CACNA2D3: variants seen among roughly 807,000 people sequenced by gnomAD.
The protein encoded by CACNA2D3 is calcium voltage-gated channel auxiliary subunit alpha2delta 3.
CACNA2D3 carries 60 observed loss-of-function variants against 160.6 expected under a neutral mutation model. That is an observed-to-expected ratio of 0.37 (90% CI 0.30 to 0.46). The LOEUF is 0.46. Among genes scored for constraint, CACNA2D3 ranks in the 20% least tolerant of loss-of-function variants. The pLI is 1.00. For missense variants in CACNA2D3, 1,205 were observed against 1,365.0 expected (o/e 0.88, Z 1.85); for synonymous variants, 558 against 492.9 (o/e 1.13, Z -1.75).
rs76567934 is a variant in CACNA2D3 at position 54,878,770 on chromosome 3, G to A, written c.1711-248G>A. The A allele has an allele frequency of 8.1e-3, 2,674 of 328,860 alleles. 59 individuals are homozygous for A. The highest frequency in any genetic ancestry group is 0.049 in the African/African-American group (2,276 of 46,804). 20.4% of individuals were successfully genotyped at this position (328,860 alleles called of 1,614,324 possible). A position where few individuals can be genotyped will look rare whatever the true frequency, so the allele number is the denominator to read the frequency against. On this transcript the variant is annotated intron_variant, in intron 18 of 37. Coordinates refer to ENST00000474759, the MANE Select transcript of CACNA2D3 (RefSeq NM_018398.3). Reference sequence around the variant, plus strand: ...CTGACCCCCGGGATTCATCAGTATCGCCAAGGCTCTTTTGTTATTGTCCTG... The same window carrying A: ...CTGACCCCCGGGATTCATCAGTATCACCAAGGCTCTTTTGTTATTGTCCTG...
intron 11 of CACNA2D3, among the ~76,000 whole-genome samples, chr3:54,732,087 C>T (rs1241499040): frequency 6.6e-6 from 1 of 152,196 alleles, no homozygotes; most frequent in Non-Finnish European, 1.5e-5. Flanking sequence ...TTTTCTCTTA[C>T]AGGGAGAGGA....
At chr3:54,925,506 G>A (rs916862780) in intron 27 of CACNA2D3, among the ~76,000 whole-genome samples, 2 of 152,168 alleles carry the variant, frequency 1.3e-5, no homozygotes, top group African/African-American at 4.8e-5. Flanking sequence ...ATATCAAATA[G>A]AAGGGTGAAA....
chr3:54,431,857 C>T (rs1007848143), intron 4 of CACNA2D3, among the ~76,000 whole-genome samples: 1 of 152,182 alleles, frequency 6.6e-6, no homozygotes, highest in Non-Finnish European at 1.5e-5. Flanking sequence ...AACCACCTGC[C>T]TCAGCCTCCC....
intron 8 of CACNA2D3, among the ~76,000 whole-genome samples, chr3:54,579,998 T>G (rs1702647916): frequency 6.6e-6 from 1 of 151,998 alleles, no homozygotes. Flanking sequence ...TCTGGAGGTT[T>G]GGGGGCCAGA....
At chr3:54,972,388 C>T (rs1412901634) in intron 29 of CACNA2D3, among the ~76,000 whole-genome samples, 1 of 152,138 alleles carries the variant, frequency 6.6e-6, no homozygotes, top group Non-Finnish European at 1.5e-5. Context: ...TCAGTCCTGC[C>T]TTCTCACCAA....
intron 29 of CACNA2D3, among the ~76,000 whole-genome samples, chr3:54,972,541 C>G (rs1702298413): frequency 1.3e-5 from 2 of 149,674 alleles, no homozygotes; most frequent in East Asian, 4.0e-4. Flanking sequence ...TGTGGGGGCT[C>G]ATTAAGTTCA....
At chr3:54,960,275 C>G (rs1350532234) in intron 27 of CACNA2D3, among the ~76,000 whole-genome samples, 1 of 152,012 alleles carries the variant, frequency 6.6e-6, no homozygotes, top group Admixed American at 6.5e-5. Context: ...TCTCCTCCCT[C>G]TCTCTCACCA....
chr3:55,056,680 A>G (rs1437826124), intron 35 of CACNA2D3, among the ~76,000 whole-genome samples: 1 of 152,184 alleles, frequency 6.6e-6, no homozygotes, highest in Non-Finnish European at 1.5e-5. Context: ...GGAGATCATT[A>G]TTCTATATGA....
At chr3:54,460,338 G>T (rs1448218016) in intron 4 of CACNA2D3, among the ~76,000 whole-genome samples, 5 of 152,134 alleles carry the variant, frequency 3.3e-5, no homozygotes, top group African/African-American at 9.7e-5. Context: ...TGAAGGGGAT[G>T]GCATTGAATC....
At chr3:54,425,306 G>A (rs1382183021) in intron 4 of CACNA2D3, among the ~76,000 whole-genome samples, 3 of 152,142 alleles carry the variant, frequency 2.0e-5, no homozygotes, top group East Asian at 1.9e-4. Flanking sequence ...ACTCCAGCCC[G>A]GGTGACAAGA....
Position 54,411,658 on chromosome 3 carries a change from A to G in CACNA2D3, c.381+24884A>G, listed in dbSNP as rs955121253. Among the ~76,000 whole-genome samples, 3 of 152,226 alleles carry G rather than the reference A, an allele frequency of 2.0e-5. No individual in the cohort carries two copies. In the East Asian group the frequency reaches 5.8e-4, roughly 29 times the overall value. On this transcript the variant is annotated intron_variant, in intron 4 of 37. Transcript: ENST00000474759. ...TTTATGTGTACTGAGAAACAAAAAA[A>G]TTCATGTGATTTGCTTTATTGTAAT...
At chr3:54,836,737 G>A (rs1441095344) in intron 14 of CACNA2D3, among the ~76,000 whole-genome samples, 1 of 152,044 alleles carries the variant, frequency 6.6e-6, no homozygotes, top group African/African-American at 2.4e-5. Flanking sequence ...TTTTAGCAGG[G>A]GCAACTCACC....
chr3:54,736,109 G>GTA (rs1553814503), intron 11 of CACNA2D3, among the ~76,000 whole-genome samples: 311 of 20,030 alleles, frequency 0.016, 70 homozygotes, highest in East Asian at 0.052. Context: ...ACATATATAT[G>GTA]TATATATATA....
At chr3:54,204,955 G>C (rs900402745) in intron 2 of CACNA2D3, among the ~76,000 whole-genome samples, 1 of 151,944 alleles carries the variant, frequency 6.6e-6, no homozygotes, top group African/African-American at 2.4e-5. Context: ...AAAACATAGA[G>C]AATAAGAAAA....
At position 54,918,855 on chromosome 3, in the gene CACNA2D3, G is replaced by T. The variant is rs200962085; in HGVS notation, c.2449+18987G>T. 1.3e-5 allele frequency: 20 copies of T among 1,567,994 alleles called. No individual in the cohort carries two copies. The highest frequency in any genetic ancestry group is 1.7e-5 in the Non-Finnish European group (20 of 1,155,106). ...TAAGGAGGTCCTTTCCCTTCCAGGT[G>T]TCTGGTGATTCACAGATGATGCCGT... is the stretch of plus-strand genomic sequence containing the variant. On this transcript the variant is annotated intron_variant, in intron 27 of 37. Transcript: ENST00000474759.
At chr3:54,763,428 G>A (rs925421699) in intron 12 of CACNA2D3, among the ~76,000 whole-genome samples, 1 of 151,842 alleles carries the variant, frequency 6.6e-6, no homozygotes, top group Admixed American at 6.6e-5. Context: ...ATGGCACCTA[G>A]CACTCAAAAA....
intron 11 of CACNA2D3, among the ~76,000 whole-genome samples, chr3:54,723,949 G>A (rs1701226559): frequency 6.6e-6 from 1 of 152,100 alleles, no homozygotes; most frequent in African/African-American, 2.4e-5. Flanking sequence ...TGGGCTAAAT[G>A]CCCCAATTAA....
chr3:54,338,349 C>A (rs1045330745), intron 3 of CACNA2D3, among the ~76,000 whole-genome samples: 8 of 152,170 alleles, frequency 5.3e-5, no homozygotes, highest in Admixed American at 3.3e-4. Context: ...CTTTTCTGAA[C>A]CAGGCAGGTT....
chr3:54,823,020 A>G (rs1207806637), intron 14 of CACNA2D3, among the ~76,000 whole-genome samples: 1 of 151,382 alleles, frequency 6.6e-6, no homozygotes, highest in Non-Finnish European at 1.5e-5. Flanking sequence ...ACACCCAGCT[A>G]ATTTTTGTAT....
Sources: allele counts gnomAD v4.1 joint callset (sites outside exome capture counted in the v4.1 genomes callset), GRCh38; gene constraint gnomAD v4.1.1; transcripts MANE v1.5; gene names NCBI Gene and HGNC (gene_info 2026-07-23, HGNC 2026-07-21).